Variants in PRKN observed in about 807,000 individuals in gnomAD.
PRKN encodes E3 ubiquitin-protein ligase parkin.
PRKN carries 56 observed loss-of-function variants against 59.5 expected under a neutral mutation model. The ratio of observed to expected loss-of-function variants is 0.94; its 90% CI spans 0.76 to 1.18. The LOEUF (loss-of-function observed/expected upper bound fraction) is 1.18, where lower values mean the gene tolerates loss of function less well. PRKN is among the 50% of genes most tolerant of loss of function. The probability of loss-of-function intolerance (pLI) is 0.00; values close to 1 mark genes in which losing one functional copy is unlikely to be tolerated. For missense variants in PRKN, 657 were observed against 596.4 expected, an observed-to-expected ratio of 1.10 and a Z score of -1.06; for synonymous variants, 250 against 222.1, an observed-to-expected ratio of 1.13 and a Z score of -1.12.
intron 7 of PRKN, among the ~76,000 whole-genome samples, chr6:161,740,159 A>C (rs1030374873): frequency 1.3e-5 from 2 of 152,220 alleles, no homozygotes; most frequent in Non-Finnish European, 2.9e-5. Context: ...ATTTCAATTA[A>C]ATTGTGCAGC....
Position 162,154,134 on chromosome 6 carries a change from C to T in PRKN, c.534+46997G>A, listed in dbSNP as rs547554427. Among the ~76,000 whole-genome samples, 16 of 152,078 alleles carry T rather than the reference C, an allele frequency of 1.1e-4. 1 individual carries two copies. The South Asian group carries it at 1.9e-3, about 18-fold the overall frequency. On this transcript the variant is annotated intron_variant, in intron 4 of 11. Transcript: ENST00000366898. ...TATGGCCATGAAACCTAGGGCAGGT[C>T]GAGGAACTAGCCTCTCTCCCACCAC...
chr6:162,349,438 A>G (rs942824115), intron 2 of PRKN, among the ~76,000 whole-genome samples: 1 of 152,268 alleles, frequency 6.6e-6, no homozygotes, highest in Non-Finnish European at 1.5e-5. Context: ...CTGCACTCCA[A>G]CCTGGGCAAG....
chr6:162,415,177 G>A (rs960497796), intron 2 of PRKN, among the ~76,000 whole-genome samples: 4 of 152,112 alleles, frequency 2.6e-5, no homozygotes, highest in African/African-American at 7.2e-5. Flanking sequence ...ACTTAGCGTA[G>A]CTACAATTGG....
intron 3 of PRKN, among the ~76,000 whole-genome samples, chr6:162,225,436 G>T (rs548595410): frequency 1.3e-5 from 2 of 152,130 alleles, no homozygotes; most frequent in Non-Finnish European, 2.9e-5. Context: ...TGTTATTGTG[G>T]TCTATTTTTA....
At chr6:162,387,234 CAAAAAAA>C (rs34452454) in intron 2 of PRKN, among the ~76,000 whole-genome samples, 59 of 101,216 alleles carry the variant, frequency 5.8e-4, no homozygotes, top group Non-Finnish European at 2.9e-4. Flanking sequence ...AAAAAATAAG[CAAAAAAA>C]AAAAAAAAAA....
At chr6:162,103,635 A>G (rs1361506713) in intron 4 of PRKN, among the ~76,000 whole-genome samples, 1 of 151,796 alleles carries the variant, frequency 6.6e-6, no homozygotes, top group African/African-American at 2.4e-5. Flanking sequence ...AAAAAAAAAA[A>G]TAGAGGATGA....
intron 7 of PRKN, among the ~76,000 whole-genome samples, chr6:161,667,546 T>C (rs1327090003): frequency 6.6e-6 from 1 of 152,176 alleles, no homozygotes. Context: ...TGTTAGAGGG[T>C]TTATTGGGTG....
At chr6:161,771,392 T>TA (rs1210976102) in intron 7 of PRKN, among the ~76,000 whole-genome samples, 2 of 124,404 alleles carry the variant, frequency 1.6e-5, no homozygotes, top group African/African-American at 3.1e-5. Flanking sequence ...TAAAATAAAA[T>TA]AAAATAAAAG....
At chr6:162,576,247 G>A (rs73035012) in intron 1 of PRKN, among the ~76,000 whole-genome samples, 15,582 of 152,176 alleles carry the variant, frequency 0.1, 943 homozygotes, top group Middle Eastern at 0.19. Flanking sequence ...CTTAAAGTAT[G>A]ATGGGAAGGC....
chr6:161,866,443 C>T (rs904594913), intron 6 of PRKN, among the ~76,000 whole-genome samples: 1 of 151,938 alleles, frequency 6.6e-6, no homozygotes. Context: ...GGCGTGGTGG[C>T]GCATGCCTGT....
intron 7 of PRKN, among the ~76,000 whole-genome samples, chr6:161,774,836 T>A (rs2128204000): frequency 6.6e-6 from 1 of 152,312 alleles, no homozygotes; most frequent in South Asian, 2.1e-4. Flanking sequence ...ACTGTCAAAA[T>A]TGCTAAATCA....
intron 4 of PRKN, among the ~76,000 whole-genome samples, chr6:162,075,747 G>A (rs1171160660): frequency 1.3e-5 from 2 of 151,962 alleles, no homozygotes; most frequent in Non-Finnish European, 2.9e-5. Context: ...CTTTTCAAGG[G>A]TCCTAAAGGG....
intron 1 of PRKN, among the ~76,000 whole-genome samples, chr6:162,704,236 T>C (rs890898189): frequency 1.3e-5 from 2 of 152,070 alleles, no homozygotes; most frequent in Non-Finnish European, 2.9e-5. Context: ...GCGGGGGGGT[T>C]GTAGGCAGAA....
At chr6:162,254,191 G>C (rs183326190) in intron 3 of PRKN, among the ~76,000 whole-genome samples, 1 of 152,034 alleles carries the variant, frequency 6.6e-6, no homozygotes, top group Non-Finnish European at 1.5e-5. Flanking sequence ...TGGGCATGGC[G>C]GCTCACATCT....
At chr6:162,119,776 G>T (rs1184338637) in intron 4 of PRKN, among the ~76,000 whole-genome samples, 3 of 152,058 alleles carry the variant, frequency 2.0e-5, no homozygotes, top group African/African-American at 7.2e-5. Context: ...AGAGAGATTT[G>T]GAAATTCAAA....
intron 6 of PRKN, among the ~76,000 whole-genome samples, chr6:161,958,579 T>A (rs191446500): frequency 6.6e-6 from 1 of 152,240 alleles, no homozygotes; most frequent in African/African-American, 2.4e-5. Flanking sequence ...CTGAATTTTA[T>A]GTAAGAATGT....
chr6:161,375,988 A>T (rs1203410588), intron 10 of PRKN, among the ~76,000 whole-genome samples: 1 of 152,206 alleles, frequency 6.6e-6, no homozygotes. Context: ...CCGGGGATCT[A>T]GATCTCCGGG....
chr6:162,427,439 T>C (rs1354985310), intron 2 of PRKN, among the ~76,000 whole-genome samples: 1 of 152,126 alleles, frequency 6.6e-6, no homozygotes, highest in Non-Finnish European at 1.5e-5. Context: ...TGAGAATAAA[T>C]CCATTGTGAT....
chr6:162,513,936 C>T (rs929668108), intron 1 of PRKN, among the ~76,000 whole-genome samples: 6 of 151,550 alleles, frequency 4.0e-5, no homozygotes, highest in African/African-American at 1.5e-4. Context: ...GTCCCAGCTA[C>T]GTGGGAGGCT....
Sources: gnomAD v4.1 joint callset for allele counts (sites outside exome capture counted in the v4.1 genomes callset) on GRCh38, gnomAD v4.1.1 for gene constraint, MANE v1.5 for transcripts, NCBI Gene and HGNC (gene_info 2026-07-23, HGNC 2026-07-21) for gene names.